Variants in PCDH11X observed in about 807,000 individuals in gnomAD.
PCDH11X encodes the protein protocadherin 11 X-linked, also known as protocadherin-11 X-linked.
PCDH11X carries 18 observed loss-of-function variants against 53.3 expected under a neutral mutation model. That is an observed-to-expected ratio of 0.34 (90% confidence interval 0.23 to 0.50). PCDH11X has a LOEUF of 0.50. Among genes scored for constraint, PCDH11X ranks in the 20% least tolerant of loss-of-function variants. The pLI, the probability that PCDH11X is intolerant of heterozygous loss-of-function variation, is 0.98. For missense variants in PCDH11X, 570 were observed against 1,032.4 expected (o/e 0.55, Z 6.14); for synonymous variants, 279 against 393.3 (o/e 0.71, Z 3.44).
intron 6 of PCDH11X, among the ~76,000 whole-genome samples, chrX:91,914,446 A>C (rs1283791339): frequency 1.8e-5 from 2 of 111,712 alleles, no homozygotes; most frequent in Non-Finnish European, 3.8e-5. Flanking sequence ...TAGATTATTA[A>C]GCTACTCAAG....
At chrX:92,436,212 CA>C (rs1378851989) in intron 9 of PCDH11X, among the ~76,000 whole-genome samples, 4 of 106,688 alleles carry the variant, frequency 3.7e-5, no homozygotes, top group African/African-American at 1.4e-4. Context: ...GGCCAGCAGG[CA>C]TATGAAAAAA....
intron 10 of PCDH11X, among the ~76,000 whole-genome samples, chrX:92,502,809 T>A (rs879045930): frequency 9.0e-6 from 1 of 111,278 alleles, no homozygotes; most frequent in South Asian, 3.7e-4. Context: ...AGGCAAAAAT[T>A]TCATGATAAA....
chrX:92,085,712 T>G (rs773631601), intron 6 of PCDH11X, among the ~76,000 whole-genome samples: 2 of 111,393 alleles, frequency 1.8e-5, no homozygotes, highest in East Asian at 5.6e-4. Flanking sequence ...CATTTTTTTT[T>G]CTTCCCAAAT....
intron 7 of PCDH11X, among the ~76,000 whole-genome samples, chrX:92,212,505 C>G (rs961833638): frequency 9.0e-6 from 1 of 111,044 alleles, no homozygotes; most frequent in Non-Finnish European, 1.9e-5. Context: ...CGTGTGCCAC[C>G]ATGCCTGGCT....
chrX:92,520,106 G>T (rs1433840332), intron 10 of PCDH11X, among the ~76,000 whole-genome samples: 1 of 109,699 alleles, frequency 9.1e-6, no homozygotes, highest in Non-Finnish European at 1.9e-5. Flanking sequence ...GAGAGAAATA[G>T]AAAGGAATCA....
At chrX:92,194,492 T>C (rs1400409514) in intron 6 of PCDH11X, among the ~76,000 whole-genome samples, 1 of 111,156 alleles carries the variant, frequency 9.0e-6, no homozygotes, top group Non-Finnish European at 1.9e-5. Context: ...TATTGAAATA[T>C]GAAAATATAC....
chrX:92,061,564 C>G (rs1465503398), intron 6 of PCDH11X, among the ~76,000 whole-genome samples: 1 of 108,647 alleles, frequency 9.2e-6, no homozygotes, highest in Admixed American at 1.0e-4. Flanking sequence ...AGTCCTTTCT[C>G]CATTGCTTGT....
At chrX:91,871,792 A>T (rs1939326088) in intron 5 of PCDH11X, among the ~76,000 whole-genome samples, 1 of 111,602 alleles carries the variant, frequency 9.0e-6, no homozygotes, top group African/African-American at 3.2e-5. Flanking sequence ...AAAGAATTAA[A>T]GTCTCAGAAG....
At chrX:92,516,383 A>G (rs2074269496) in intron 10 of PCDH11X, among the ~76,000 whole-genome samples, 1 of 112,499 alleles carries the variant, frequency 8.9e-6, no homozygotes, top group South Asian at 3.6e-4. Context: ...GGGGAAATGA[A>G]GAAATAAAAT....
chrX:92,571,187 T>C (rs904630854), intron 10 of PCDH11X, among the ~76,000 whole-genome samples: 1 of 111,170 alleles, frequency 9.0e-6, no homozygotes, highest in African/African-American at 3.3e-5. Flanking sequence ...TCATTTGTTT[T>C]GATGACTGTT....
At chrX:91,854,207 A>G (rs1938192470) in intron 5 of PCDH11X, among the ~76,000 whole-genome samples, 1 of 111,333 alleles carries the variant, frequency 9.0e-6, no homozygotes, top group Non-Finnish European at 1.9e-5. Flanking sequence ...TGTCTTCATG[A>G]GTTCAATTGC....
At chrX:92,255,993 C>T (rs2067571022) in intron 7 of PCDH11X, among the ~76,000 whole-genome samples, 1 of 112,361 alleles carries the variant, frequency 8.9e-6, no homozygotes, top group Non-Finnish European at 1.9e-5. Context: ...CTTTGTTTAC[C>T]TAAGGAAGCC....
At chrX:92,203,845 C>T (rs1569420050) in intron 7 of PCDH11X, among the ~76,000 whole-genome samples, 1 of 111,860 alleles carries the variant, frequency 8.9e-6, no homozygotes, top group Non-Finnish European at 1.9e-5. Flanking sequence ...TTTACCAATC[C>T]GGGTGGTACC....
chrX:92,602,390 G>A (rs184622869), intron 10 of PCDH11X, among the ~76,000 whole-genome samples: 3 of 112,634 alleles, frequency 2.7e-5, no homozygotes, highest in East Asian at 5.6e-4. Context: ...GAAAAAGCCC[G>A]CTTGGGTCAG....
At chrX:92,148,062 CTTTCTTTCTTT>C (rs1569389044) in intron 6 of PCDH11X, among the ~76,000 whole-genome samples, 40 of 7,949 alleles carry the variant, frequency 5.0e-3, no homozygotes, top group South Asian at 0.018. Context: ...TCCTTCCTTT[CTTTCTTTCTTT>C]CTTTCTTTCT....
At chrX:92,288,988 T>C (rs1483860356) in intron 8 of PCDH11X, among the ~76,000 whole-genome samples, 1 of 111,754 alleles carries the variant, frequency 8.9e-6, no homozygotes, top group African/African-American at 3.2e-5. Flanking sequence ...TTATGAATCA[T>C]CAGCTAAAAT....
intron 8 of PCDH11X, among the ~76,000 whole-genome samples, chrX:92,368,858 C>T (rs1291595984): frequency 2.7e-5 from 3 of 109,840 alleles, no homozygotes; most frequent in Non-Finnish European, 5.7e-5. Context: ...GTTGCCTGCT[C>T]CTTCCTCTGG....
chrX:92,454,393 A>G (rs1045514671), intron 9 of PCDH11X, among the ~76,000 whole-genome samples: 1 of 110,245 alleles, frequency 9.1e-6, no homozygotes, highest in Non-Finnish European at 1.9e-5. Flanking sequence ...AAGACCTGAA[A>G]CATACTAAAT....
At chrX:92,167,508 AT>A (rs2065755221) in intron 6 of PCDH11X, among the ~76,000 whole-genome samples, 1 of 111,758 alleles carries the variant, frequency 8.9e-6, no homozygotes, top group African/African-American at 3.2e-5. Flanking sequence ...TATGTGCCAG[AT>A]TTTGCCTCTT....
Sources: gnomAD v4.1 joint callset for allele counts (sites outside exome capture counted in the v4.1 genomes callset) on GRCh38, gnomAD v4.1.1 for gene constraint, MANE v1.5 for transcripts, NCBI Gene and HGNC (gene_info 2026-07-23, HGNC 2026-07-21) for gene names.